The following ST3GAL6 variants were observed in gnomAD, a reference collection of about 807,000 sequenced individuals.
ST3GAL6 encodes type 2 lactosamine alpha-2,3-sialyltransferase.
In ST3GAL6, 31 loss-of-function variants were observed where a neutral mutation model predicts 40.5. The observed-to-expected ratio is 0.77, with a 90% CI of 0.58 to 1.03. The LOEUF (loss-of-function observed/expected upper bound fraction) is 1.03. Ranked by LOEUF, ST3GAL6 falls within the 50% of genes least tolerant of loss-of-function variation. The pLI is 0.00. For missense variants in ST3GAL6, 357 were observed against 393.2 expected, an observed-to-expected ratio of 0.91 and a Z score of 0.78; for synonymous variants, 129 against 136.9, an observed-to-expected ratio of 0.94 and a Z score of 0.40.
At chr3:98,756,165 C>G (rs1034901784) in intron 1 of ST3GAL6, among the ~76,000 whole-genome samples, 2 of 152,146 alleles carry the variant, frequency 1.3e-5, no homozygotes, top group African/African-American at 4.8e-5. Context: ...TTCTGAAAGG[C>G]AGGCAATAAT....
intron 1 of ST3GAL6, among the ~76,000 whole-genome samples, chr3:98,764,407 AG>A (rs760734385): frequency 2.4e-4 from 37 of 152,188 alleles, no homozygotes; most frequent in Non-Finnish European, 4.9e-4. Context: ...AACTGGGAAC[AG>A]GGTTGGGAGT....
At chr3:98,759,675 G>A (rs975617260), upstream of ST3GAL6, among the ~76,000 whole-genome samples, 1 of 151,906 alleles carries the variant, frequency 6.6e-6, no homozygotes, top group African/African-American at 2.4e-5. Context: ...TCCTCACTGT[G>A]TCTAAATGCC....
chr3:98,756,670 C>G, intron 1 of ST3GAL6: 1 of 767,314 alleles, frequency 1.3e-6, no homozygotes, highest in Non-Finnish European at 1.7e-6. Flanking sequence ...CAGGTGCCTG[C>G]TATTTTTTTC....
chr3:98,788,781 T>G (rs970159570), intron 8 of ST3GAL6, among the ~76,000 whole-genome samples: 1 of 152,194 alleles, frequency 6.6e-6, no homozygotes, highest in African/African-American at 2.4e-5. Context: ...TCTGACTGGG[T>G]GGGCTGACGG....
chr3:98,767,508 C>T (rs1938488091), intron 1 of ST3GAL6, among the ~76,000 whole-genome samples: 1 of 152,166 alleles, frequency 6.6e-6, no homozygotes, highest in Admixed American at 6.5e-5. Context: ...GTGGCACATG[C>T]AGTTGTTTAG....
chr3:98,745,683 T>C (rs1559723564), intron 1 of ST3GAL6, among the ~76,000 whole-genome samples: 1 of 152,236 alleles, frequency 6.6e-6, no homozygotes, highest in Non-Finnish European at 1.5e-5. Context: ...GTTTCTGGTC[T>C]ATTTGACATT....
At chr3:98,789,424 G>A (rs1941019076) in intron 8 of ST3GAL6, among the ~76,000 whole-genome samples, 1 of 152,100 alleles carries the variant, frequency 6.6e-6, no homozygotes, top group South Asian at 2.1e-4. Context: ...TATTTGCTAT[G>A]CATTCATAAA....
intron 2 of ST3GAL6, among the ~76,000 whole-genome samples, chr3:98,769,069 T>C (rs1169283075): frequency 6.6e-6 from 1 of 152,224 alleles, no homozygotes; most frequent in Non-Finnish European, 1.5e-5. Context: ...GTCAGTCCTT[T>C]GGCTAGGAAA....
chr3:98,786,660 G>GT (rs1050600809), intron 6 of ST3GAL6, among the ~76,000 whole-genome samples: 127 of 151,966 alleles, frequency 8.4e-4, no homozygotes, highest in African/African-American at 2.8e-3. Context: ...TCAGATGGCA[G>GT]TTAGAGATGG....
rs765898270 is a variant in ST3GAL6 at position 98,773,939 on chromosome 3, T to G, written c.291T>G (p.Ala97=). The change falls in exon 5 of 10, where the codon GCT becomes GCG. Residue 97 remains alanine, a synonymous_variant. Coordinates refer to ENST00000483910, the MANE Select transcript of ST3GAL6 (RefSeq NM_001323368.2). The part of the protein sequence containing the change: ...MRTSAEYFRL[A]LSKLQSCDLF... ...TTCTAGCGGAATATTTTCGACTTGCTCTTTCAAAACTGCAGAGTTGTGATC... is the reference window on the plus strand; with the variant it reads ...TTCTAGCGGAATATTTTCGACTTGCGCTTTCAAAACTGCAGAGTTGTGATC... The G allele has an allele frequency of 3.1e-6, 5 of 1,613,450 alleles. No individual in the cohort carries two copies. The African/African-American group carries it at 4.0e-5, about 13-fold the overall frequency.
chr3:98,786,508 G>A (rs187246547), intron 6 of ST3GAL6, among the ~76,000 whole-genome samples: 212 of 152,218 alleles, frequency 1.4e-3, no homozygotes, highest in Admixed American at 5.1e-3. Flanking sequence ...AATAAAAGCA[G>A]GCTTAGAGGC....
rs1940551394 is a variant in ST3GAL6, at chr3:98,784,978, TGGA to T, written c.374_376del (p.Gly125del). 6.2e-7 allele frequency: 1 copy of T among 1,612,660 alleles called. No individual in the cohort carries two copies. Among genetic ancestry groups the T allele is most frequent in the Admixed American group, 1.7e-5 (1 of 59,960 alleles). On this transcript the variant is annotated inframe_deletion, in exon 6 of 10. Transcript: ENST00000483910. ...GTAAAAAGTGTGTGGTGGTTGGTAA[TGGA>T]GGAGTTTTGAAGAATAAGACATTAG...
At chr3:98,749,619 C>G (rs1401361102) in intron 1 of ST3GAL6, among the ~76,000 whole-genome samples, 1 of 152,158 alleles carries the variant, frequency 6.6e-6, no homozygotes. Context: ...ACAGAACTTT[C>G]AAATATCAGA....
At chr3:98,770,752 G>C in intron 2 of ST3GAL6, 127 bp from the exon 3 acceptor site, 1 of 730,518 alleles carries the variant, frequency 1.4e-6, no homozygotes, top group Non-Finnish European at 2.4e-6. Flanking sequence ...AAGAGGTGCA[G>C]GGAGTATTTT....
In ST3GAL6 at chr3:98,788,120, T is replaced by C; in HGVS notation, c.516T>C (p.Phe172=). ...TFRLFYPESV[F]SDPIHNDPNT... Reference sequence around the variant, plus strand: ...GACTTTTTTATCCAGAATCTGTTTTTTCAGATCCTATTCACAATGACCCTA... The same window carrying C: ...GACTTTTTTATCCAGAATCTGTTTTCTCAGATCCTATTCACAATGACCCTA... The change falls in exon 7 of 10, where the codon TTT becomes TTC. Residue 172 remains phenylalanine, a synonymous_variant. Coordinates refer to ENST00000483910, the MANE Select transcript of ST3GAL6 (RefSeq NM_001323368.2). 6.2e-7 allele frequency: 1 copy of C among 1,614,040 alleles called. No homozygotes were observed. The highest frequency in any genetic ancestry group is 8.5e-7 in the Non-Finnish European group (1 of 1,179,964).
exon 1 of ST3GAL6, chr3:98,732,361 A>T (rs1935088092): frequency 6.5e-6 from 1 of 152,808 alleles, no homozygotes; most frequent in Non-Finnish European, 1.5e-5. Flanking sequence ...TAGCTCCTGC[A>T]GCTTTCCAAA....
intron 1 of ST3GAL6, among the ~76,000 whole-genome samples, chr3:98,742,377 C>T (rs1474875678): frequency 6.6e-6 from 1 of 152,174 alleles, no homozygotes; most frequent in Admixed American, 6.5e-5. Context: ...GGACCCAAAA[C>T]ACCCTAACCG....
At chr3:98,775,202 T>A (rs1300021045) in intron 5 of ST3GAL6, among the ~76,000 whole-genome samples, 1 of 152,028 alleles carries the variant, frequency 6.6e-6, no homozygotes, top group East Asian at 1.9e-4. Flanking sequence ...GGTGGCCGGG[T>A]GCTGTGGCTG....
intron 1 of ST3GAL6, among the ~76,000 whole-genome samples, chr3:98,768,014 A>G (rs887558571): frequency 2.6e-5 from 4 of 152,240 alleles, no homozygotes; most frequent in African/African-American, 7.2e-5. Context: ...GAAATGAAAT[A>G]TTCACAGTTT....
Sources: allele counts gnomAD v4.1 joint callset (sites outside exome capture counted in the v4.1 genomes callset), GRCh38; gene constraint gnomAD v4.1.1; transcripts MANE v1.5; gene names NCBI Gene and HGNC (gene_info 2026-07-23, HGNC 2026-07-21).